The following RBFOX1 variants were observed in gnomAD, a reference collection of about 807,000 sequenced individuals.
RBFOX1 encodes the protein RNA binding fox-1 homolog 1, also known as RNA binding protein fox-1 homolog 1.
In RBFOX1, 8 loss-of-function variants were observed where a neutral mutation model predicts 57.7. The ratio of observed to expected loss-of-function variants is 0.14; its 90% CI spans 0.08 to 0.25. RBFOX1 has a LOEUF of 0.25. Ranked by LOEUF, RBFOX1 falls within the 10% of genes least tolerant of loss-of-function variation. RBFOX1 has a pLI of 1.00. For synonymous variants in RBFOX1, 326 were observed against 222.4 expected (o/e 1.47, Z -4.15); for missense variants, 611 against 548.5 (o/e 1.11, Z -1.14).
intron 1 of RBFOX1, among the ~76,000 whole-genome samples, chr16:6,270,014 C>G (rs1363154100): frequency 6.6e-6 from 1 of 151,920 alleles, no homozygotes; most frequent in African/African-American, 2.4e-5. Context: ...AAACATAGCA[C>G]CAGGCTGTGA....
At chr16:5,707,478 G>C (rs1044846651) in intron 3 of RBFOX1, among the ~76,000 whole-genome samples, 4 of 152,194 alleles carry the variant, frequency 2.6e-5, no homozygotes, top group Non-Finnish European at 5.9e-5. Flanking sequence ...AACCACTAAA[G>C]ATGCCAGGTC....
At chr16:6,133,447 G>T (rs969932336) in intron 1 of RBFOX1, among the ~76,000 whole-genome samples, 1 of 152,188 alleles carries the variant, frequency 6.6e-6, no homozygotes, top group African/African-American at 2.4e-5. Context: ...TACATTCCCT[G>T]CCTCTTGGGA....
At chr16:5,414,172 C>G (rs1487244063) in intron 1 of RBFOX1, among the ~76,000 whole-genome samples, 1 of 152,168 alleles carries the variant, frequency 6.6e-6, no homozygotes, top group Admixed American at 6.5e-5. Flanking sequence ...AAGGGAAAAA[C>G]AAGGGTGATC....
intron 1 of RBFOX1, among the ~76,000 whole-genome samples, chr16:5,244,820 C>G (rs564911927): frequency 1.3e-5 from 2 of 152,188 alleles, no homozygotes; most frequent in Non-Finnish European, 2.9e-5. Flanking sequence ...GGAGCACATT[C>G]CTGTTAGCTA....
At chr16:6,472,783 C>G (rs960671293) in intron 2 of RBFOX1, among the ~76,000 whole-genome samples, 3 of 151,896 alleles carry the variant, frequency 2.0e-5, no homozygotes, top group Non-Finnish European at 4.4e-5. Flanking sequence ...CCACCATGCC[C>G]AGCTGTTTTT....
chr16:5,779,085 G>T (rs2054242249), intron 3 of RBFOX1, among the ~76,000 whole-genome samples: 1 of 152,108 alleles, frequency 6.6e-6, no homozygotes, highest in Admixed American at 6.6e-5. Flanking sequence ...TGCTGTCAAT[G>T]ACTAAGTGAT....
At chr16:7,707,409 G>T (rs141674810) in intron 14 of RBFOX1, among the ~76,000 whole-genome samples, 21 of 152,252 alleles carry the variant, frequency 1.4e-4, no homozygotes, top group Non-Finnish European at 2.4e-4. Context: ...AAACAGGAAA[G>T]GAGAGGGAAA....
At chr16:7,015,045 C>T (rs1435221757) in intron 3 of RBFOX1, among the ~76,000 whole-genome samples, 2 of 152,132 alleles carry the variant, frequency 1.3e-5, no homozygotes, top group African/African-American at 2.4e-5. Flanking sequence ...TTCTATGCTT[C>T]CTGAATGCAG....
chr16:6,842,057 G>A lies in RBFOX1; in HGVS notation c.-16+187407G>A, dbSNP rs554982979. ...ACACGGGAGGCTGAGGGAGGAGAAT[G>A]GCGTGAACCCGGGAGGCGGAACTTG... On this transcript the variant is annotated intron_variant, in intron 3 of 15. Coordinates refer to ENST00000550418, the MANE Select transcript of RBFOX1 (RefSeq NM_018723.4). Among the ~76,000 whole-genome samples, 163 of 151,818 alleles carry A rather than the reference G, an allele frequency of 1.1e-3. 2 individuals carry two copies. The highest frequency in any genetic ancestry group is 2.2e-3 in the Admixed American group (33 of 15,256).
intron 15 of RBFOX1, chr16:7,710,067 G>A (rs1598707103): frequency 1.0e-6 from 1 of 1,000,038 alleles, no homozygotes; most frequent in Non-Finnish European, 1.2e-6. Flanking sequence ...TAGAAATTCA[G>A]CCATGATTTG....
intron 4 of RBFOX1, among the ~76,000 whole-genome samples, chr16:7,489,428 T>G (rs2066326029): frequency 6.6e-6 from 1 of 152,194 alleles, no homozygotes; most frequent in Non-Finnish European, 1.5e-5. Context: ...CATTTAATCT[T>G]CAAAATAGTC....
chr16:5,672,221 G>C (rs888588978), intron 3 of RBFOX1, among the ~76,000 whole-genome samples: 3 of 152,140 alleles, frequency 2.0e-5, no homozygotes, highest in Admixed American at 1.3e-4. Flanking sequence ...TCTTAGGTGA[G>C]CTTCATAGTG....
chr16:6,637,398 T>TAAATATATATATTATATAATATAC (rs1340531206), intron 2 of RBFOX1, among the ~76,000 whole-genome samples: 58 of 4,484 alleles, frequency 0.013, 6 homozygotes, highest in East Asian at 0.12. Flanking sequence ...TATTATATAT[T>TAAATATATATATTATATAATATAC]AAATATATAT....
chr16:6,849,398 G>A (rs7499811), intron 3 of RBFOX1, among the ~76,000 whole-genome samples: 6 of 152,056 alleles, frequency 3.9e-5, no homozygotes, highest in African/African-American at 1.4e-4. Context: ...GCTGGGTGTG[G>A]TGGCTCACAC....
At chr16:5,920,786 A>C (rs989041110) in intron 4 of RBFOX1, among the ~76,000 whole-genome samples, 2 of 152,222 alleles carry the variant, frequency 1.3e-5, no homozygotes, top group African/African-American at 4.8e-5. Flanking sequence ...ACCTGGGTGG[A>C]AATTCTTCCT....
chr16:5,373,566 T>G (rs1459267709), intron 1 of RBFOX1, among the ~76,000 whole-genome samples: 2 of 152,046 alleles, frequency 1.3e-5, no homozygotes, highest in Non-Finnish European at 2.9e-5. Flanking sequence ...CCGTACTTCC[T>G]GTACAGCCTG....
At chr16:7,687,673 A>G (rs891713018) in intron 14 of RBFOX1, among the ~76,000 whole-genome samples, 1 of 152,128 alleles carries the variant, frequency 6.6e-6, no homozygotes, top group African/African-American at 2.4e-5. Flanking sequence ...ACATGTAAAA[A>G]AGGAAGCAAC....
At chr16:5,509,501 C>T (rs1467984819) in intron 2 of RBFOX1, among the ~76,000 whole-genome samples, 1 of 152,134 alleles carries the variant, frequency 6.6e-6, no homozygotes, top group African/African-American at 2.4e-5. Context: ...GCAAAGTGAG[C>T]AAAGAGAGAA....
chr16:6,074,586 G>C (rs1037176625), intron 1 of RBFOX1, among the ~76,000 whole-genome samples: 26 of 152,274 alleles, frequency 1.7e-4, no homozygotes, highest in Admixed American at 4.6e-4. Context: ...AGGTGAAATG[G>C]GGTCTTGCAG....
Sources: allele counts gnomAD v4.1 joint callset (sites outside exome capture counted in the v4.1 genomes callset), GRCh38; gene constraint gnomAD v4.1.1; transcripts MANE v1.5; gene names NCBI Gene and HGNC (gene_info 2026-07-23, HGNC 2026-07-21).